The following SUPT3H variants were observed in gnomAD, a reference collection of about 807,000 sequenced individuals.
SUPT3H encodes transcription initiation protein SPT3 homolog.
A neutral mutation model predicts 44.3 loss-of-function variants in SUPT3H; 44 were observed. The observed-to-expected ratio is 0.99, with a 90% CI of 0.78 to 1.28. SUPT3H has a LOEUF of 1.28. Among genes scored for constraint, SUPT3H ranks in the 50% most tolerant of loss-of-function variants. The pLI is 0.00. For missense variants in SUPT3H, 380 were observed against 387.1 expected (o/e 0.98, Z 0.15); for synonymous variants, 124 against 125.6 (o/e 0.99, Z 0.09).
intron 5 of SUPT3H, among the ~76,000 whole-genome samples, chr6:45,013,296 C>CT (rs2153513129): frequency 6.6e-6 from 1 of 152,190 alleles, no homozygotes; most frequent in South Asian, 2.1e-4. Context: ...CCAGTCCCCT[C>CT]TTAATCACTC....
At chr6:45,369,818 T>C (rs1406384303) in intron 1 of SUPT3H, among the ~76,000 whole-genome samples, 1 of 152,144 alleles carries the variant, frequency 6.6e-6, no homozygotes, top group Non-Finnish European at 1.5e-5. Context: ...TAACAAATAC[T>C]ATGAAATCAA....
At chr6:45,152,581 TC>T (rs1387616369) in intron 2 of SUPT3H, among the ~76,000 whole-genome samples, 1 of 152,134 alleles carries the variant, frequency 6.6e-6, no homozygotes, top group Non-Finnish European at 1.5e-5. Flanking sequence ...AACCTGTGCC[TC>T]CCGGGTTCAA....
At chr6:44,995,834 G>C (rs1781194365) in intron 6 of SUPT3H, among the ~76,000 whole-genome samples, 1 of 151,750 alleles carries the variant, frequency 6.6e-6, no homozygotes, top group Non-Finnish European at 1.5e-5. Context: ...AACAGAGATG[G>C]TAAATATGTA....
At chr6:45,299,616 A>G (rs1366186980) in intron 2 of SUPT3H, among the ~76,000 whole-genome samples, 2 of 152,058 alleles carry the variant, frequency 1.3e-5, no homozygotes, top group African/African-American at 4.8e-5. Context: ...GTCAATTCAG[A>G]AAACAAATTT....
intron 9 of SUPT3H, among the ~76,000 whole-genome samples, chr6:44,937,781 G>A (rs897427558): frequency 6.6e-6 from 1 of 150,400 alleles, no homozygotes; most frequent in Non-Finnish European, 1.5e-5. Context: ...ATTACTTGGT[G>A]TTTTTTTGTT....
chr6:44,883,622 C>A (rs1238364799), intron 10 of SUPT3H, among the ~76,000 whole-genome samples: 2 of 152,022 alleles, frequency 1.3e-5, no homozygotes, highest in Non-Finnish European at 1.5e-5. Context: ...TGTAACTATA[C>A]TACAAGGCTA....
chr6:44,977,928 T>C (rs1290761357), intron 6 of SUPT3H, among the ~76,000 whole-genome samples: 2 of 152,164 alleles, frequency 1.3e-5, no homozygotes, highest in African/African-American at 4.8e-5. Flanking sequence ...TACATGCAGT[T>C]TTCATAAGAT....
intron 10 of SUPT3H, among the ~76,000 whole-genome samples, chr6:44,864,725 G>A (rs893528800): frequency 6.6e-5 from 10 of 152,246 alleles, no homozygotes; most frequent in South Asian, 4.1e-4. Context: ...TGCACACAGC[G>A]TGGGGACCCT....
intron 2 of SUPT3H, among the ~76,000 whole-genome samples, chr6:45,288,613 G>GTATA (rs1360607816): frequency 1.7e-5 from 1 of 59,096 alleles, no homozygotes; most frequent in Admixed American, 1.7e-4. Context: ...ATATATATAT[G>GTATA]TATATATATA....
At chr6:45,119,893 A>G (rs1801367648) in intron 2 of SUPT3H, among the ~76,000 whole-genome samples, 1 of 152,188 alleles carries the variant, frequency 6.6e-6, no homozygotes, top group Admixed American at 6.5e-5. Context: ...GAAAAAAATG[A>G]GTCTGAAAAT....
At chr6:45,054,859 A>G (rs1790871530) in intron 3 of SUPT3H, among the ~76,000 whole-genome samples, 1 of 152,140 alleles carries the variant, frequency 6.6e-6, no homozygotes, top group African/African-American at 2.4e-5. Flanking sequence ...GTGCCCTAAT[A>G]TACATACAGA....
At chr6:44,820,500 A>T (rs1453693972) in intron 11 of SUPT3H, among the ~76,000 whole-genome samples, 1 of 152,224 alleles carries the variant, frequency 6.6e-6, no homozygotes, top group Non-Finnish European at 1.5e-5. Flanking sequence ...TAAAGGCTGG[A>T]GAAGAACCAG....
At chr6:45,292,249 G>T (rs753283470) in intron 2 of SUPT3H, among the ~76,000 whole-genome samples, 1 of 151,912 alleles carries the variant, frequency 6.6e-6, no homozygotes, top group East Asian at 1.9e-4. Context: ...GAGAGAATTC[G>T]CCACTACCAA....
intron 2 of SUPT3H, among the ~76,000 whole-genome samples, chr6:45,203,624 GT>G (rs1232426986): frequency 1.3e-5 from 2 of 152,102 alleles, no homozygotes; most frequent in Non-Finnish European, 2.9e-5. Context: ...TACCAATACT[GT>G]CAAAATAATG....
intron 2 of SUPT3H, among the ~76,000 whole-genome samples, chr6:45,313,409 A>G (rs1784251862): frequency 6.6e-6 from 1 of 152,178 alleles, no homozygotes; most frequent in Non-Finnish European, 1.5e-5. Flanking sequence ...AGATTAACCA[A>G]GAAAAGAGAG....
intron 1 of SUPT3H, among the ~76,000 whole-genome samples, chr6:45,376,863 A>G (rs1260592262): frequency 1.3e-5 from 2 of 152,206 alleles, no homozygotes; most frequent in Non-Finnish European, 2.9e-5. Flanking sequence ...ACATACATAT[A>G]TACACATACA....
intron 6 of SUPT3H, among the ~76,000 whole-genome samples, chr6:44,987,943 T>C (rs980843392): frequency 6.6e-6 from 1 of 152,076 alleles, no homozygotes; most frequent in Admixed American, 6.6e-5. Context: ...ATGGGTACAC[T>C]AGGGAATGTT....
At chr6:45,365,112 T>C (rs1794904423) in intron 2 of SUPT3H, 89 bp downstream of exon 2, 1 of 785,872 alleles carries the variant, frequency 1.3e-6, no homozygotes, top group Non-Finnish European at 1.9e-6. Flanking sequence ...ATTTCCAAGT[T>C]AAGTTTTATA....
intron 10 of SUPT3H, among the ~76,000 whole-genome samples, chr6:44,929,234 T>G: frequency 6.6e-6 from 1 of 152,296 alleles, no homozygotes; most frequent in East Asian, 1.9e-4. Context: ...TTCCTGAAAT[T>G]GATCATGTCA....
Sources: allele counts gnomAD v4.1 joint callset (sites outside exome capture counted in the v4.1 genomes callset), GRCh38; gene constraint gnomAD v4.1.1; transcripts MANE v1.5; gene names NCBI Gene and HGNC (gene_info 2026-07-23, HGNC 2026-07-21).